TERT: variants seen among roughly 807,000 people sequenced by gnomAD.
TERT encodes telomerase reverse transcriptase.
In TERT, 42 loss-of-function variants were observed where a neutral mutation model predicts 104.0. That is an observed-to-expected ratio of 0.40 (90% CI 0.32 to 0.52). TERT has a LOEUF of 0.52. Ranked by LOEUF, TERT falls within the 20% of genes least tolerant of loss-of-function variation. TERT has a pLI of 0.43. For synonymous variants in TERT, 781 were observed against 725.6 expected, an observed-to-expected ratio of 1.08 and a Z score of -1.23; for missense variants, 1,101 against 1,610.3, an observed-to-expected ratio of 0.68 and a Z score of 5.41.
At position 1,253,874 on chromosome 5, in the gene TERT, G is replaced by A. The variant is rs1309147294; in HGVS notation, c.3296-43C>T. 6 of 1,574,196 alleles carry A rather than the reference G, an allele frequency of 3.8e-6. No individual in the cohort carries two copies. In the South Asian group the frequency reaches 5.8e-5, roughly 15 times the overall value. ...GACTCCGTTCCAGAAGAGGCCAGAGGTGGCATCCTCCAACCCTCCTAGGAC... is the reference window on the plus strand; with the variant it reads ...GACTCCGTTCCAGAAGAGGCCAGAGATGGCATCCTCCAACCCTCCTAGGAC... On this transcript the variant is annotated intron_variant, in intron 15 of 15. Transcript: ENST00000310581.
At chr5:1,282,941 C>T (rs1750144580) in intron 2 of TERT, 1 of 458,746 alleles carries the variant, frequency 2.2e-6, no homozygotes, top group African/African-American at 2.0e-5. Flanking sequence ...GGACCTGCAC[C>T]ATCCAGACAA....
At chr5:1,280,774 C>T (rs1186057993) in intron 3 of TERT, among the ~76,000 whole-genome samples, 1 of 152,106 alleles carries the variant, frequency 6.6e-6, no homozygotes, top group Non-Finnish European at 1.5e-5. Context: ...ATGGAGAGGG[C>T]GGGAGAGGCT....
intron 6 of TERT, among the ~76,000 whole-genome samples, chr5:1,277,099 A>C (rs1255091110): frequency 6.6e-6 from 1 of 152,198 alleles, no homozygotes; most frequent in Non-Finnish European, 1.5e-5. Flanking sequence ...GCACGGGAAC[A>C]CTGTGGGCAC....
chr5:1,258,727 C>T (rs1747940941), intron 12 of TERT, 68 bp from the exon 13 acceptor site: 1 of 1,299,044 alleles, frequency 7.7e-7, no homozygotes, highest in Non-Finnish European at 1.1e-6. Flanking sequence ...TTACTTTTTG[C>T]TTTATCATCC....
At position 1,257,884 on chromosome 5, in the gene TERT, C is replaced by T. The variant is rs1658074921; in HGVS notation, c.3032+714G>A. Among the ~76,000 whole-genome samples, 1 of 152,232 alleles carries T rather than the reference C, an allele frequency of 6.6e-6. No individual in the cohort carries two copies. Among genetic ancestry groups the T allele is most frequent in the African/African-American group, 2.4e-5 (1 of 41,464 alleles). On this transcript the variant is annotated intron_variant, in intron 13 of 15. Coordinates refer to ENST00000310581, the MANE Select transcript of TERT (RefSeq NM_198253.3). This position sits in a 1 kb window ranked among gnomAD's most constrained non-coding sequence, Gnocchi z 5.6. ...CCTCCTGGCATTCAGCTCCCAGTGGCTCGGGAGGCCTGTTGAGGTGGAGGC... is the reference window on the plus strand; with the variant it reads ...CCTCCTGGCATTCAGCTCCCAGTGGTTCGGGAGGCCTGTTGAGGTGGAGGC...
In TERT at chr5:1,261,655, C is replaced by T. The variant is rs906153031; in HGVS notation, c.2844-1055G>A. Among the ~76,000 whole-genome samples, 1 of 152,226 alleles carries T rather than the reference C, an allele frequency of 6.6e-6. No individual in the cohort carries two copies. Among genetic ancestry groups the T allele is most frequent in the Non-Finnish European group, 1.5e-5 (1 of 68,026 alleles). On this transcript the variant is annotated intron_variant, in intron 11 of 15. Transcript: ENST00000310581. This position sits in a 1 kb window ranked among gnomAD's most constrained non-coding sequence, Gnocchi z 7.4. The stretch of plus-strand genomic sequence containing the variant: ...GGGATGGGTCTCGCTGTCAGTTTCA[C>T]ATGCATTTCTTTGACGCTGCTGGTA...
chr5:1,259,429 C>T (rs371557508), intron 12 of TERT, among the ~76,000 whole-genome samples: 9 of 100,578 alleles, frequency 8.9e-5, no homozygotes, highest in South Asian at 3.7e-4. Context: ...TGGACACGGA[C>T]GCCCACAGGA....
intron 6 of TERT, among the ~76,000 whole-genome samples, chr5:1,275,935 T>C (rs113136187): frequency 0.14 from 6,732 of 49,136 alleles, 52 homozygotes; most frequent in Middle Eastern, 0.27. Context: ...CCACCTACCC[T>C]ACACATGAAA....
At position 1,272,299 on chromosome 5, in the gene TERT, G is replaced by A. The variant is rs1749103816; in HGVS notation, c.2287-19C>T. On this transcript the variant is annotated intron_variant, in intron 6 of 15. Transcript: ENST00000310581. ...TAGAGACCTGCCGGCAGAGGAGAGG[G>A]CATGAGCCACAAATGTGGCCTGCCC... The A allele has an allele frequency of 4.4e-6, 7 of 1,601,796 alleles. No homozygotes were observed. Among genetic ancestry groups the A allele is most frequent in the Non-Finnish European group, 6.0e-6 (7 of 1,173,422 alleles).
intron 3 of TERT, among the ~76,000 whole-genome samples, chr5:1,281,654 T>C (rs932267327): frequency 3.9e-5 from 6 of 152,206 alleles, no homozygotes; most frequent in African/African-American, 1.2e-4. Flanking sequence ...ACCTAGAAGT[T>C]AGCTCATGGT....
At chr5:1,279,853 C>T (rs536052681) in intron 4 of TERT, among the ~76,000 whole-genome samples, 3 of 152,324 alleles carry the variant, frequency 2.0e-5, no homozygotes, top group South Asian at 4.1e-4. Flanking sequence ...ACGGAGGCTG[C>T]GCACCACAGC....
intron 7 of TERT, 121 bp from the exon 8 acceptor site, chr5:1,271,325 G>T: frequency 1.3e-6 from 1 of 757,464 alleles, no homozygotes; most frequent in African/African-American, 1.7e-5. Flanking sequence ...TGCGGGGCTG[G>T]GCTGGAATGC....
Position 1,268,036 on chromosome 5 carries a change from G to A in TERT, c.2582+484C>T, listed in dbSNP as rs531714873. Among the ~76,000 whole-genome samples the A allele has an allele frequency of 2.0e-5, 3 of 152,340 alleles. No individual in the cohort carries two copies. Among genetic ancestry groups the A allele is most frequent in the Admixed American group, 6.5e-5 (1 of 15,312 alleles). ...AAGCCAGCTGAGTTGAACCACATTA[G>A]GTTGGCACGATATTTAGGTGTGTGC... On this transcript the variant is annotated intron_variant, in intron 9 of 15. Transcript: ENST00000310581. This position sits in a 1 kb window ranked among gnomAD's most constrained non-coding sequence, Gnocchi z 5.5.
At chr5:1,264,644 G>A in intron 10 of TERT, 52 bp from the exon 11 acceptor site, 4 of 1,598,056 alleles carry the variant, frequency 2.5e-6, no homozygotes, top group Non-Finnish European at 3.4e-6. Context: ...TCACCCAGGA[G>A]GTAACCTGAC....
Position 1,270,991 on chromosome 5 carries a change from C to T in TERT, c.2468+128G>A. ...GCCCAGGAGCCGGAGGGGGCGGGGG[C>T]CAGAAAAGGAGACTCTGGTGGCCCC... On this transcript the variant is annotated intron_variant, in intron 8 of 15. Transcript: ENST00000310581. This position sits in a 1 kb window ranked among gnomAD's most constrained non-coding sequence, Gnocchi z 8.3. The T allele has an allele frequency of 2.7e-6, 2 of 747,228 alleles. No homozygotes were observed. The highest frequency in any genetic ancestry group is 4.5e-6 in the Non-Finnish European group (2 of 441,160). The allele number at this position is 747,228 out of a possible 1,614,324, so 46.3% of individuals were successfully genotyped here.
Position 1,287,278 on chromosome 5 carries a change from T to A in TERT, c.1574-4654A>T, listed in dbSNP as rs751490860. Among the ~76,000 whole-genome samples, 3 of 151,894 alleles carry A rather than the reference T, an allele frequency of 2.0e-5. No homozygotes were observed. The highest frequency in any genetic ancestry group is 2.9e-5 in the Non-Finnish European group (2 of 67,980). On this transcript the variant is annotated intron_variant, in intron 2 of 15. Coordinates refer to ENST00000310581, the MANE Select transcript of TERT (RefSeq NM_198253.3). This position sits in a 1 kb window ranked among gnomAD's most constrained non-coding sequence, Gnocchi z 4.3. ...ACTTTGGGAAGCCGAGGTAGATGGA[T>A]CCCTTGAGTCCAAGAGTTTGAGACC...
intron 6 of TERT, among the ~76,000 whole-genome samples, chr5:1,273,497 AC>A (rs1207057695): frequency 2.0e-4 from 3 of 14,714 alleles, no homozygotes; most frequent in Non-Finnish European, 3.7e-4. Context: ...GACCCCCGGG[AC>A]CAACCGCCAT....
In TERT at chr5:1,292,069, A is replaced by G. The variant is rs1437225558; in HGVS notation, c.1573+1244T>C. 6.6e-6 allele frequency among the ~76,000 whole-genome samples: 1 copy of G among 152,226 alleles called. No homozygotes were observed. Among genetic ancestry groups the G allele is most frequent in the Non-Finnish European group, 1.5e-5 (1 of 68,044 alleles). ...GAGTTAGCAATTCTGCACTGTACAC[A>G]GAAAACGGTGTTAGGAGTGCCAATC... On this transcript the variant is annotated intron_variant, in intron 2 of 15. Transcript: ENST00000310581. The surrounding 1 kb of genome is among the most constrained non-coding windows in gnomAD (Gnocchi z 5.5).
chr5:1,293,645 G>T lies in TERT; in HGVS notation c.1241C>A (p.Pro414Gln). The T allele has an allele frequency of 6.4e-7, 1 of 1,559,122 alleles. No individual in the cohort carries two copies. Among genetic ancestry groups the T allele is most frequent in the South Asian group, 1.2e-5 (1 of 84,710 alleles). The part of the protein sequence containing the change: ...PYGVLLKTHC[P>Q]LRAAVTPAAG... ...TGCTGGGGTGACCGCAGCTCGCAGCGGGCAGTGCGTCTTGAGGAGCACCCC... is the reference window on the plus strand; with the variant it reads ...TGCTGGGGTGACCGCAGCTCGCAGCTGGCAGTGCGTCTTGAGGAGCACCCC... The change falls in exon 2 of 16, where the codon CCG (proline) becomes CAG (glutamine). Residue 414 changes from proline (P) to glutamine (Q), a missense_variant. Transcript: ENST00000310581.
Sources: allele counts gnomAD v4.1 joint callset (sites outside exome capture counted in the v4.1 genomes callset), GRCh38; gene constraint gnomAD v4.1.1; non-coding constraint Gnocchi (gnomAD v3.1); transcripts MANE v1.5; gene names NCBI Gene and HGNC (gene_info 2026-07-23, HGNC 2026-07-21).